ADCY7: variants seen among roughly 807,000 people sequenced by gnomAD.
The protein encoded by ADCY7 is adenylate cyclase type 7.
Under a neutral mutation model 120.6 loss-of-function variants are expected in ADCY7, and 72 were observed. The observed-to-expected ratio is 0.60, with a 90% CI of 0.49 to 0.73. The LOEUF (loss-of-function observed/expected upper bound fraction) is 0.73, where lower values mean the gene tolerates loss of function less well. Among genes scored for constraint, ADCY7 ranks in the 30% least tolerant of loss-of-function variants. The pLI, the probability that ADCY7 is intolerant of heterozygous loss-of-function variation, is 0.00. For synonymous variants in ADCY7, 661 were observed against 628.0 expected (o/e 1.05, Z -0.78); for missense variants, 1,227 against 1,486.0 (o/e 0.83, Z 2.87).
intron 10 of ADCY7, among the ~76,000 whole-genome samples, chr16:50,303,118 G>T (rs2035839294): frequency 6.6e-6 from 1 of 152,222 alleles, no homozygotes; most frequent in African/African-American, 2.4e-5. Context: ...TCTCTGCTAA[G>T]TGCCAGTGAC....
At chr16:50,291,055 C>T (rs527856557) in intron 3 of ADCY7, among the ~76,000 whole-genome samples, 5 of 152,094 alleles carry the variant, frequency 3.3e-5, no homozygotes, top group African/African-American at 9.6e-5. Flanking sequence ...AAGTTCACAG[C>T]GGCTCCAGGC....
At chr16:50,268,811 C>T (rs1040029946) in intron 1 of ADCY7, among the ~76,000 whole-genome samples, 7 of 152,018 alleles carry the variant, frequency 4.6e-5, no homozygotes, top group Admixed American at 1.3e-4. Flanking sequence ...CCAAGGTGGG[C>T]GGATCACTTG....
chr16:50,311,895 T>C (rs540142080), intron 20 of ADCY7, 109 bp downstream of exon 20: 3 of 1,428,768 alleles, frequency 2.1e-6, no homozygotes, highest in Admixed American at 1.8e-5. Context: ...CAGAAAAGAC[T>C]AGAGTCCTGC....
chr16:50,305,543 G>T lies in ADCY7; in HGVS notation c.1636G>T (p.Asp546Tyr), dbSNP rs755500712. ...PKGRSEDDSY[D>Y]DEMLSAIEGL... ...GGGGCGGTCGGAGGATGACTCGTAC[G>T]ATGACGAGATGCTGTCAGCCATTGA... The change falls in exon 13 of 26, where the codon GAT becomes TAT. Residue 546 changes from aspartate to tyrosine, a missense_variant. Coordinates refer to ENST00000673801, the MANE Select transcript of ADCY7 (RefSeq NM_001114.5). 1 of 1,608,710 alleles carries T rather than the reference G, an allele frequency of 6.2e-7. No individual in the cohort carries two copies. The highest frequency in any genetic ancestry group is 8.5e-7 in the Non-Finnish European group (1 of 1,177,140).
chr16:50,282,483 G>A (rs1486043966), intron 1 of ADCY7, among the ~76,000 whole-genome samples: 1 of 152,184 alleles, frequency 6.6e-6, no homozygotes, highest in East Asian at 1.9e-4. Flanking sequence ...TTGCTCAGCA[G>A]GCTTCCTGGA....
At chr16:50,272,426 CTG>C (rs2033632281) in intron 1 of ADCY7, among the ~76,000 whole-genome samples, 1 of 152,222 alleles carries the variant, frequency 6.6e-6, no homozygotes, top group Non-Finnish European at 1.5e-5. Flanking sequence ...GCGCAGCTGA[CTG>C]AGATCATTGC....
At chr16:50,270,755 TA>T (rs2033516163) in intron 1 of ADCY7, among the ~76,000 whole-genome samples, 1 of 152,188 alleles carries the variant, frequency 6.6e-6, no homozygotes, top group African/African-American at 2.4e-5. Context: ...TCCTTATCTG[TA>T]AAATGGGGCT....
chr16:50,312,917 GTC>G lies in ADCY7; in HGVS notation c.2634_2635del (p.Val880HisfsTer30). 1 of 1,614,180 alleles carries G rather than the reference GTC, an allele frequency of 6.2e-7. No homozygotes were observed. The highest frequency in any genetic ancestry group is 1.1e-5 in the South Asian group (1 of 91,086). On this transcript the variant is annotated frameshift_variant, in exon 22 of 26. Coordinates refer to ENST00000673801, the MANE Select transcript of ADCY7 (RefSeq NM_001114.5). LOFTEE classifies it high-confidence loss of function. ...CTGGTACCATCAGTCCTATGACTGC[GTC>G]TGTGTCATGTTTGCCTCCGTGCCGG... ...EDWYHQSYDCVCVMFASVPDF... is the reference protein window; with the variant it reads ...EDWYHQSYDCXCVMFASVPDF...
Position 50,300,748 on chromosome 16 carries a change from C to T in ADCY7, c.1110C>T (p.Asn370=), listed in dbSNP as rs1182244878. 8 of 1,552,102 alleles carry T rather than the reference C, an allele frequency of 5.2e-6. No individual in the cohort carries two copies. The highest frequency in any genetic ancestry group is 1.7e-4 in the Middle Eastern group (1 of 6,014). ...GGGAGGCCACGGGCGTGGACATCAA[C>T]ATGCGTGTGGGCATACACTCGGGGA... ...QVREATGVDI[N]MRVGIHSGNV... The change falls in exon 9 of 26, where the codon AAC becomes AAT. Residue 370 remains asparagine (N), a synonymous_variant. Coordinates refer to ENST00000673801, the MANE Select transcript of ADCY7 (RefSeq NM_001114.5).
At chr16:50,248,107 C>G (rs77083793) in intron 1 of ADCY7, among the ~76,000 whole-genome samples, 1,559 of 152,336 alleles carry the variant, frequency 0.01, 27 homozygotes, top group African/African-American at 0.036. Context: ...CTCATGTGTT[C>G]TTGGTGGAGC....
chr16:50,304,315 A>C, intron 10 of ADCY7, 45 bp from the exon 11 acceptor site: 1 of 1,384,904 alleles, frequency 7.2e-7, no homozygotes, highest in South Asian at 1.7e-5. Flanking sequence ...TCCTGGGCCG[A>C]GAGGGGAGGA....
intron 15 of ADCY7, among the ~76,000 whole-genome samples, chr16:50,307,982 T>TGA (rs1270036222): frequency 8.5e-6 from 1 of 117,164 alleles, no homozygotes; most frequent in Non-Finnish European, 1.6e-5. Flanking sequence ...GGTGACAGAG[T>TGA]GAGACTCCAT....
intron 10 of ADCY7, among the ~76,000 whole-genome samples, chr16:50,303,580 A>AT (rs1413412909): frequency 6.6e-6 from 1 of 152,048 alleles, no homozygotes; most frequent in African/African-American, 2.4e-5. Context: ...CCAACTGGCG[A>AT]AGGCCTCAGG....
At chr16:50,262,485 C>T (rs554968396), upstream of ADCY7, among the ~76,000 whole-genome samples, 1 of 152,190 alleles carries the variant, frequency 6.6e-6, no homozygotes, top group East Asian at 1.9e-4. Flanking sequence ...TGCCCTCAAG[C>T]CCGGCTAATT....
At chr16:50,270,338 C>T (rs77150043) in intron 1 of ADCY7, among the ~76,000 whole-genome samples, 25,336 of 152,218 alleles carry the variant, frequency 0.17, 2,552 homozygotes, top group Non-Finnish European at 0.24. Flanking sequence ...AGAGGTTATC[C>T]GGTCCAGCAT....
intron 1 of ADCY7, among the ~76,000 whole-genome samples, chr16:50,275,986 G>A (rs1220432098): frequency 6.6e-6 from 1 of 152,218 alleles, no homozygotes; most frequent in African/African-American, 2.4e-5. Context: ...TTTGTCTCCC[G>A]GCTGGGCTCA....
chr16:50,290,136 CTTGTGGT>C (rs1243297830), intron 2 of ADCY7, among the ~76,000 whole-genome samples: 1 of 152,242 alleles, frequency 6.6e-6, no homozygotes, highest in Admixed American at 6.5e-5. Context: ...CTGCCCTGTG[CTTGTGGT>C]ATCACCTGCG....
chr16:50,250,937 T>C (rs1403085631), intron 1 of ADCY7, among the ~76,000 whole-genome samples: 1 of 152,126 alleles, frequency 6.6e-6, no homozygotes, highest in Non-Finnish European at 1.5e-5. Context: ...AATACAGCTT[T>C]AAAAAATGCC....
chr16:50,287,111 G>T (rs1351367197), intron 1 of ADCY7, among the ~76,000 whole-genome samples: 1 of 151,674 alleles, frequency 6.6e-6, no homozygotes, highest in Non-Finnish European at 1.5e-5. Context: ...TGCCTCCCAG[G>T]TTCAAGCCAT....
Sources: allele counts gnomAD v4.1 joint callset (sites outside exome capture counted in the v4.1 genomes callset), GRCh38; gene constraint gnomAD v4.1.1; transcripts MANE v1.5; gene names NCBI Gene and HGNC (gene_info 2026-07-23, HGNC 2026-07-21).